CACHD1: variants seen among roughly 807,000 people sequenced by gnomAD.
The protein encoded by CACHD1 is VWFA and cache domain-containing protein 1.
A neutral mutation model predicts 138.7 loss-of-function variants in CACHD1; 71 were observed. The ratio of observed to expected loss-of-function variants is 0.51; its 90% CI spans 0.42 to 0.62. The LOEUF (loss-of-function observed/expected upper bound fraction) is 0.62. Ranked by LOEUF, CACHD1 falls within the 20% of genes least tolerant of loss-of-function variation. CACHD1 has a pLI of 0.00. For synonymous variants in CACHD1, 578 were observed against 591.5 expected, an observed-to-expected ratio of 0.98 and a Z score of 0.33; for missense variants, 1,389 against 1,625.3, an observed-to-expected ratio of 0.85 and a Z score of 2.50.
chr1:64,584,791 G>T (rs1476849282), intron 3 of CACHD1, among the ~76,000 whole-genome samples: 1 of 152,090 alleles, frequency 6.6e-6, no homozygotes, highest in Non-Finnish European at 1.5e-5. Flanking sequence ...AATTGATATA[G>T]GAACGAGTAA....
At position 64,666,140 on chromosome 1, in the gene CACHD1, C is replaced by A. The variant is rs1649625246; in HGVS notation, c.2360C>A (p.Thr787Lys). 4 of 1,605,878 alleles carry A rather than the reference C, an allele frequency of 2.5e-6. No individual in the cohort carries two copies. Among genetic ancestry groups the A allele is most frequent in the African/African-American group, 2.7e-5 (2 of 74,696 alleles). ...GTTGGAGGAGCTGGTTATGTTGTGA[C>A]AATCAGTCACACAATTCATTCATCC... is the stretch of plus-strand genomic sequence containing the variant. ...LDVGGAGYVVTISHTIHSSST... is the reference protein window; with the variant it reads ...LDVGGAGYVVKISHTIHSSST... The change falls in exon 16 of 27, where the codon ACA (threonine) becomes AAA (lysine). Residue 787 changes from threonine (T) to lysine (K), a missense_variant. Thr to Lys is a moderately conservative substitution (Grantham distance 78, BLOSUM62 -1). Transcript: ENST00000651257.
At position 64,538,314 on chromosome 1, in the gene CACHD1, G is replaced by A. The variant is rs996492415; in HGVS notation, c.199-12280G>A. ...AAATTTTCATCTTAAAAAATTCAGCGCATCAGTATTTGGGTACTCCCCCCT... is the reference window on the plus strand; with the variant it reads ...AAATTTTCATCTTAAAAAATTCAGCACATCAGTATTTGGGTACTCCCCCCT... On this transcript the variant is annotated intron_variant, in intron 1 of 26. Transcript: ENST00000651257. Among the ~76,000 whole-genome samples the A allele has an allele frequency of 4.1e-4, 62 of 152,132 alleles. No homozygotes were observed. In the East Asian group the frequency reaches 5.4e-3, roughly 13 times the overall value.
chr1:64,681,414 TG>T, intron 25 of CACHD1, 79 bp downstream of exon 25: 1 of 1,158,020 alleles, frequency 8.6e-7, no homozygotes, highest in Non-Finnish European at 1.3e-6. Context: ...TATATCCTTT[TG>T]GCTTGTATTA....
chr1:64,536,404 G>GAAT (rs1319758177), intron 1 of CACHD1, among the ~76,000 whole-genome samples: 1 of 152,202 alleles, frequency 6.6e-6, no homozygotes, highest in Non-Finnish European at 1.5e-5. Flanking sequence ...TTGGTGGGGA[G>GAAT]AATAATTTGA....
intron 1 of CACHD1, chr1:64,506,423 TG>T (rs1646377658): frequency 6.6e-6 from 1 of 152,230 alleles, no homozygotes; most frequent in Non-Finnish European, 1.5e-5. Context: ...GCTCTCTAGG[TG>T]TCTGGCAGTG....
At position 64,692,849 on chromosome 1, in the gene CACHD1, A is replaced by G. The variant is rs925523923; in HGVS notation, c.*1288A>G. ...TATAAAGGCATTCTTGCACCATGGTAAAGAATGTGTGTGGTAAATCTCCGT... is the reference window on the plus strand; with the variant it reads ...TATAAAGGCATTCTTGCACCATGGTGAAGAATGTGTGTGGTAAATCTCCGT... On this transcript the variant is annotated 3_prime_UTR_variant, in exon 27 of 27. Coordinates refer to ENST00000651257, the MANE Select transcript of CACHD1 (RefSeq NM_020925.4). 2.2e-4 allele frequency: 34 copies of G among 152,768 alleles called. No individual in the cohort carries two copies. Among genetic ancestry groups the G allele is most frequent in the Middle Eastern group, 3.4e-3 (1 of 294 alleles). 9.5% of individuals were successfully genotyped at this position (152,768 alleles called of 1,614,324 possible). A position where few individuals can be genotyped will look rare whatever the true frequency, so the allele number is the denominator to read the frequency against.
chr1:64,595,739 A>C lies in CACHD1; in HGVS notation c.411-7067A>C, dbSNP rs1570401068. Among the ~76,000 whole-genome samples the C allele has an allele frequency of 2.0e-5, 3 of 152,352 alleles. No homozygotes were observed. In the Middle Eastern group the frequency reaches 0.01, roughly 518 times the overall value. On this transcript the variant is annotated intron_variant, in intron 3 of 26. Transcript: ENST00000651257. ...ATTGAATGATAATACCATCTGTTTG[A>C]ATATAGAAGTGAGACACAAGGTCAC...
intron 1 of CACHD1, among the ~76,000 whole-genome samples, chr1:64,523,750 G>A (rs901123633): frequency 1.3e-5 from 2 of 152,212 alleles, no homozygotes; most frequent in African/African-American, 4.8e-5. Flanking sequence ...CATATAAAAT[G>A]TATAAAGCTG....
intron 26 of CACHD1, among the ~76,000 whole-genome samples, chr1:64,683,839 T>A: frequency 6.6e-6 from 1 of 152,194 alleles, no homozygotes; most frequent in East Asian, 1.9e-4. Flanking sequence ...AGTACGTGGG[T>A]CACTAAAAAT....
At chr1:64,653,905 G>A (rs1401157170) in intron 11 of CACHD1, 24 bp downstream of exon 11, 2 of 1,607,844 alleles carry the variant, frequency 1.2e-6, no homozygotes, top group Non-Finnish European at 1.7e-6. Flanking sequence ...GAGGGTCATA[G>A]GATTGTTTTT....
intron 2 of CACHD1, among the ~76,000 whole-genome samples, chr1:64,581,830 G>C (rs1414483785): frequency 6.6e-6 from 1 of 152,196 alleles, no homozygotes; most frequent in Non-Finnish European, 1.5e-5. Context: ...AATGCCCACT[G>C]TCATGCTGAC....
At chr1:64,636,533 AG>A (rs925568867) in intron 7 of CACHD1, among the ~76,000 whole-genome samples, 2 of 152,152 alleles carry the variant, frequency 1.3e-5, no homozygotes, top group Admixed American at 6.5e-5. Flanking sequence ...GTTCATGCTA[AG>A]GTTCATTCAT....
chr1:64,681,541 GTTTTTTTTTT>G (rs57993424), intron 25 of CACHD1, among the ~76,000 whole-genome samples: 15,281 of 68,642 alleles, frequency 0.22, 1,290 homozygotes, highest in Admixed American at 0.38. Context: ...ATTTTATTGT[GTTTTTTTTTT>G]TTTTTTTTTT....
chr1:64,534,032 CG>C (rs1302049602), intron 1 of CACHD1, among the ~76,000 whole-genome samples: 8 of 148,844 alleles, frequency 5.4e-5, no homozygotes, highest in Non-Finnish European at 1.2e-4. Flanking sequence ...AGATTACAGT[CG>C]TGAGCCCAGC....
At chr1:64,473,326 A>T (rs1646156677) in intron 1 of CACHD1, among the ~76,000 whole-genome samples, 1 of 152,166 alleles carries the variant, frequency 6.6e-6, no homozygotes, top group Non-Finnish European at 1.5e-5. Context: ...TGGTCGGAAA[A>T]AAAAAAGTCG....
chr1:64,614,052 C>T (rs1444429327), intron 4 of CACHD1, among the ~76,000 whole-genome samples: 3 of 152,204 alleles, frequency 2.0e-5, no homozygotes, highest in African/African-American at 7.2e-5. Context: ...GGGAATTTTT[C>T]CTCACCATTT....
intron 1 of CACHD1, among the ~76,000 whole-genome samples, chr1:64,543,402 C>CATATATATATAT (rs140966471): frequency 0.012 from 1,519 of 126,802 alleles, 53 homozygotes; most frequent in African/African-American, 0.042. Context: ...AAAAAAAATA[C>CATATATATATAT]ATATATATAT....
chr1:64,678,333 C>G (rs755219498), intron 23 of CACHD1, 23 bp downstream of exon 23: 11 of 1,528,230 alleles, frequency 7.2e-6, no homozygotes, highest in Non-Finnish European at 8.8e-6. Flanking sequence ...GATGCCCCAA[C>G]AATTTGATTC....
intron 1 of CACHD1, among the ~76,000 whole-genome samples, chr1:64,513,338 A>G (rs1646435948): frequency 1.3e-5 from 2 of 152,230 alleles, no homozygotes; most frequent in Admixed American, 6.5e-5. Flanking sequence ...ATCTTCCCCA[A>G]TTGAGAAATA....
Sources: gnomAD v4.1 joint callset for allele counts (sites outside exome capture counted in the v4.1 genomes callset) on GRCh38, gnomAD v4.1.1 for gene constraint, MANE v1.5 for transcripts, NCBI Gene and HGNC (gene_info 2026-07-23, HGNC 2026-07-21) for gene names.